Variants in ZFP64 observed in about 807,000 individuals in gnomAD.
ZFP64 encodes zinc finger protein 64.
A neutral mutation model predicts 51.6 loss-of-function variants in ZFP64; 14 were observed. The observed-to-expected ratio is 0.27, with a 90% CI of 0.18 to 0.42. ZFP64 has a LOEUF of 0.42. Among genes scored for constraint, ZFP64 ranks in the 10% least tolerant of loss-of-function variants. The probability of loss-of-function intolerance (pLI) is 1.00; values close to 1 mark genes in which losing one functional copy is unlikely to be tolerated. For missense variants in ZFP64, 754 were observed against 906.8 expected, an observed-to-expected ratio of 0.83 and a Z score of 2.16; for synonymous variants, 375 against 361.4, an observed-to-expected ratio of 1.04 and a Z score of -0.43.
At chr20:52,117,073 A>G (rs1414173294) in intron 5 of ZFP64, among the ~76,000 whole-genome samples, 2 of 146,536 alleles carry the variant, frequency 1.4e-5, no homozygotes, top group African/African-American at 5.0e-5. Flanking sequence ...TCTGTCTCAC[A>G]CACACACGCA....
chr20:52,097,141 C>G, intron 7 of ZFP64: 3 of 777,164 alleles, frequency 3.9e-6, no homozygotes, highest in Non-Finnish European at 7.2e-6. Context: ...TAAGAAGCCA[C>G]CTTATTGCTC....
At chr20:52,126,460 C>CT (rs1376388397) in intron 5 of ZFP64, among the ~76,000 whole-genome samples, 1 of 152,158 alleles carries the variant, frequency 6.6e-6, no homozygotes, top group African/African-American at 2.4e-5. Context: ...CTTAAAAGGT[C>CT]TTTGAATGAC....
chr20:52,086,603 G>A (rs11696506), intron 8 of ZFP64, among the ~76,000 whole-genome samples: 23,500 of 151,348 alleles, frequency 0.16, 1,840 homozygotes, highest in South Asian at 0.24. Flanking sequence ...TCAGCCTCCC[G>A]AGTAGCTGGG....
At chr20:52,099,234 C>T (rs186388159) in intron 5 of ZFP64, among the ~76,000 whole-genome samples, 2 of 151,806 alleles carry the variant, frequency 1.3e-5, no homozygotes, top group African/African-American at 4.8e-5. Context: ...ATATGATAAA[C>T]AAGAATTAGG....
chr20:52,111,002 C>T lies in ZFP64; in HGVS notation c.764-12415G>A, dbSNP rs1014358445. On this transcript the variant is annotated intron_variant, in intron 5 of 8. Transcript: ENST00000361387. ...TTGGGAATGACCTTGTAGAAAGTGA[C>T]CGTATCCAGGGGAAGGGCGCGCTTG... The T allele has an allele frequency of 2.0e-6, 3 of 1,500,100 alleles. No individual in the cohort carries two copies. In the African/African-American group the frequency reaches 4.1e-5, roughly 21 times the overall value. 92.9% of individuals were successfully genotyped at this position (1,500,100 alleles called of 1,614,324 possible). A position where few individuals can be genotyped will look rare whatever the true frequency, so the allele number is the denominator to read the frequency against.
At chr20:52,179,845 G>A (rs556422068) in intron 2 of ZFP64, among the ~76,000 whole-genome samples, 137 of 152,206 alleles carry the variant, frequency 9.0e-4, no homozygotes, top group Admixed American at 1.8e-3. Context: ...GCACCAGCAA[G>A]TGGGGCTAAT....
chr20:52,118,720 A>G (rs1297737925), intron 5 of ZFP64, among the ~76,000 whole-genome samples: 1 of 152,260 alleles, frequency 6.6e-6, no homozygotes, highest in South Asian at 2.1e-4. Flanking sequence ...AGGAGGATAA[A>G]TAAGTAAACA....
intron 5 of ZFP64, among the ~76,000 whole-genome samples, chr20:52,129,849 A>C (rs924638144): frequency 5.6e-4 from 85 of 152,204 alleles, no homozygotes; most frequent in African/African-American, 1.9e-3. Context: ...TGTCACCACC[A>C]TGGTATGCCC....
Position 52,098,353 on chromosome 20 carries a change from G to A in ZFP64, c.913+85C>T. ...TGTTGTCAGCAAACAAGAGTAACAT[G>A]AGCAGGCAGCTCAGAGATTCACGTA... On this transcript the variant is annotated intron_variant, in intron 6 of 8. Transcript: ENST00000361387. 11 of 1,555,726 alleles carry A rather than the reference G, an allele frequency of 7.1e-6. No individual in the cohort carries two copies. In the South Asian group the frequency reaches 1.3e-4, roughly 18 times the overall value.
chr20:52,185,683 C>T (rs531585853), intron 2 of ZFP64, among the ~76,000 whole-genome samples: 8 of 150,184 alleles, frequency 5.3e-5, no homozygotes, highest in Middle Eastern at 3.6e-3. Flanking sequence ...TGGGTTCAAG[C>T]GATTCTCCTG....
intron 5 of ZFP64, among the ~76,000 whole-genome samples, chr20:52,122,569 T>C (rs1482933632): frequency 6.6e-6 from 1 of 152,036 alleles, no homozygotes; most frequent in Non-Finnish European, 1.5e-5. Flanking sequence ...GTGATTCCTT[T>C]GATGAATTTG....
At chr20:52,161,450 C>CTTTTTTTTTTT (rs11469696) in intron 4 of ZFP64, among the ~76,000 whole-genome samples, 17 of 115,182 alleles carry the variant, frequency 1.5e-4, no homozygotes, top group African/African-American at 5.7e-4. Flanking sequence ...TGATTGCTTT[C>CTTTTTTTTTTT]TTTTTTTTTT....
chr20:52,085,022 G>A lies in ZFP64; in HGVS notation c.1473C>T (p.Ala491=), dbSNP rs760815672. The stretch of plus-strand genomic sequence containing the variant: ...ACTCTGGACACTTCTCCGGGTGGTC[G>A]GCCTGGTGCAGCCGGCTGTGCTCCA... Residue 491 remains alanine (A), a synonymous_variant, in exon 9 of 9, where the codon GCC becomes GCT. Transcript: ENST00000361387. The surrounding 1 kb of genome is among the most constrained non-coding windows in gnomAD (Gnocchi z 4.3). The A allele has an allele frequency of 6.8e-6, 11 of 1,613,960 alleles. No individual in the cohort carries two copies. The South Asian group carries it at 8.8e-5, about 13-fold the overall frequency.
chr20:52,139,338 A>G (rs1980139946), intron 5 of ZFP64, among the ~76,000 whole-genome samples: 1 of 152,202 alleles, frequency 6.6e-6, no homozygotes, highest in African/African-American at 2.4e-5. Flanking sequence ...ACATGAAATC[A>G]TGGACTTTGC....
intron 5 of ZFP64, among the ~76,000 whole-genome samples, chr20:52,141,999 T>C (rs1980276227): frequency 6.6e-6 from 1 of 152,114 alleles, no homozygotes; most frequent in African/African-American, 2.4e-5. Flanking sequence ...TCAATAATAT[T>C]TATACATGGG....
chr20:52,116,449 T>A lies in ZFP64; in HGVS notation c.764-17862A>T, dbSNP rs1208521303. 4.7e-5 allele frequency among the ~76,000 whole-genome samples: 7 copies of A among 150,266 alleles called. No homozygotes were observed. In the East Asian group the frequency reaches 1.4e-3, roughly 29 times the overall value. On this transcript the variant is annotated intron_variant, in intron 5 of 8. Coordinates refer to the ZFP64 transcript ENST00000361387. ...CTGCGCCTGGCCATATTTCTTTCTT[T>A]TTTTTTTTTTTTAAAGAAAATAAGG...
intron 5 of ZFP64, among the ~76,000 whole-genome samples, chr20:52,113,873 A>C (rs568218461): frequency 6.6e-6 from 1 of 152,172 alleles, no homozygotes; most frequent in Non-Finnish European, 1.5e-5. Flanking sequence ...TTAGAGGGCA[A>C]TAGGTGCTGT....
chr20:52,094,874 A>T (rs916728666), intron 7 of ZFP64, among the ~76,000 whole-genome samples: 2 of 152,210 alleles, frequency 1.3e-5, no homozygotes, highest in Non-Finnish European at 2.9e-5. Flanking sequence ...GTGATAAGTG[A>T]TCTCAACCAA....
In ZFP64 at chr20:52,151,493, C is replaced by A. The variant is rs898980708; in HGVS notation, c.*653G>T. ...AGGCTGGGAAGTACCATTTACTACA[C>A]AAATGTAATAAGATGGACAGAAACC... On this transcript the variant is annotated 3_prime_UTR_variant, in exon 6 of 6. Transcript: ENST00000216923. The A allele has an allele frequency of 3.0e-6, 3 of 985,420 alleles. No homozygotes were observed. The highest frequency in any genetic ancestry group is 3.6e-6 in the Non-Finnish European group (3 of 830,030). The allele number at this position is 985,420 out of a possible 1,614,324, so 61.0% of individuals were successfully genotyped here.
Sources: allele counts gnomAD v4.1 joint callset (sites outside exome capture counted in the v4.1 genomes callset), GRCh38; gene constraint gnomAD v4.1.1; non-coding constraint Gnocchi (gnomAD v3.1); transcripts MANE v1.5; gene names NCBI Gene and HGNC (gene_info 2026-07-23, HGNC 2026-07-21).